RALGAPA2: variants seen among roughly 807,000 people sequenced by gnomAD.
RALGAPA2 encodes the protein Ral GTPase activating protein catalytic subunit alpha 2, also known as ral GTPase-activating protein subunit alpha-2.
In RALGAPA2, 139 loss-of-function variants were observed where a neutral mutation model predicts 230.4. That is an observed-to-expected ratio of 0.60 (90% CI 0.53 to 0.69). The LOEUF (loss-of-function observed/expected upper bound fraction) is 0.69. RALGAPA2 is among the 30% of genes least tolerant of loss of function. The probability of loss-of-function intolerance (pLI) is 0.00; values close to 1 mark genes in which losing one functional copy is unlikely to be tolerated. For synonymous variants in RALGAPA2, 847 were observed against 837.8 expected, an observed-to-expected ratio of 1.01 and a Z score of -0.19; for missense variants, 2,163 against 2,276.0, an observed-to-expected ratio of 0.95 and a Z score of 1.01.
At position 20,691,057 on chromosome 20, in the gene RALGAPA2, C is replaced by A. The variant is rs117141041; in HGVS notation, c.107-10256G>T. 3.3e-3 allele frequency among the ~76,000 whole-genome samples: 503 copies of A among 152,308 alleles called. 1 individual carries two copies. The highest frequency in any genetic ancestry group is 5.5e-3 in the Non-Finnish European group (374 of 68,030). On this transcript the variant is annotated intron_variant, in intron 1 of 39. Coordinates refer to ENST00000202677, the MANE Select transcript of RALGAPA2 (RefSeq NM_020343.4). ...CTCTACCCTACCTCTGCCGCCCACA[C>A]CCACAGCCAGATCCTAGACCTGATG...
intron 4 of RALGAPA2, among the ~76,000 whole-genome samples, chr20:20,646,971 A>G (rs530141996): frequency 6.6e-6 from 1 of 152,208 alleles, no homozygotes; most frequent in East Asian, 1.9e-4. Flanking sequence ...AACTCACAGC[A>G]TTAGTTTAAA....
In RALGAPA2 at chr20:20,611,399, C is replaced by T. The variant is rs1249342106; in HGVS notation, c.1716G>A (p.Arg572=). Residue 572 remains arginine (R), a synonymous_variant, in exon 14 of 40, where the codon AGG becomes AGA. Transcript: ENST00000202677. ...TWEQMLQILL[R]ITEAVMQKPK... The stretch of plus-strand genomic sequence containing the variant: ...GCTTCTGCATGACAGCTTCTGTTAT[C>T]CTGAGTAGTATTTGCAACATCTGTT... The T allele has an allele frequency of 2.5e-6, 4 of 1,613,146 alleles. No homozygotes were observed. Among genetic ancestry groups the T allele is most frequent in the South Asian group, 1.1e-5 (1 of 90,964 alleles).
chr20:20,598,103 A>C (rs2065517781), intron 16 of RALGAPA2, among the ~76,000 whole-genome samples: 1 of 152,220 alleles, frequency 6.6e-6, no homozygotes, highest in Admixed American at 6.5e-5. Flanking sequence ...ACACATGGCT[A>C]AATTCAATTT....
intron 3 of RALGAPA2, among the ~76,000 whole-genome samples, chr20:20,654,778 C>A (rs1603207383): frequency 6.6e-6 from 1 of 152,178 alleles, no homozygotes; most frequent in African/African-American, 2.4e-5. Context: ...ATTGCTGGGG[C>A]ATATGGTAAT....
chr20:20,638,255 G>A (rs1480135216), intron 7 of RALGAPA2, among the ~76,000 whole-genome samples: 1 of 152,158 alleles, frequency 6.6e-6, no homozygotes, highest in African/African-American at 2.4e-5. Flanking sequence ...AAGACCTGTT[G>A]GTGGTTCTTA....
At chr20:20,486,685 T>C (rs1449508729) in intron 36 of RALGAPA2, among the ~76,000 whole-genome samples, 1 of 152,224 alleles carries the variant, frequency 6.6e-6, no homozygotes, top group East Asian at 1.9e-4. Flanking sequence ...CTCCTTTCTC[T>C]TCCTTGTATT....
In RALGAPA2 at chr20:20,680,708, T is replaced by A. The variant is rs752086731; in HGVS notation, c.200A>T (p.Asn67Ile). 1 of 1,563,574 alleles carries A rather than the reference T, an allele frequency of 6.4e-7. No homozygotes were observed. Among genetic ancestry groups the A allele is most frequent in the Admixed American group, 2.1e-5 (1 of 46,754 alleles). Residue 67 changes from asparagine (N) to isoleucine (I), a missense_variant, in exon 2 of 40, where the codon AAT becomes ATT. Coordinates refer to ENST00000202677, the MANE Select transcript of RALGAPA2 (RefSeq NM_020343.4). ...ATGCTTACCTTTTAATTTCAAACTA[T>A]TTTCCAGTGCTATAAAATTTTCATA... ...IFYENFIALENSLKLKGNNKS... is the reference protein window; with the variant it reads ...IFYENFIALEISLKLKGNNKS...
At chr20:20,408,653 CTT>C (rs2059994873) in intron 38 of RALGAPA2, among the ~76,000 whole-genome samples, 1 of 152,200 alleles carries the variant, frequency 6.6e-6, no homozygotes. Flanking sequence ...CCAGTTAACC[CTT>C]TCAAGGCCTC....
chr20:20,411,059 C>A (rs1474613802), intron 38 of RALGAPA2, among the ~76,000 whole-genome samples: 1 of 151,860 alleles, frequency 6.6e-6, no homozygotes. Flanking sequence ...TTTTTTTTCA[C>A]TTTGTGTATA....
intron 1 of RALGAPA2, among the ~76,000 whole-genome samples, chr20:20,691,234 C>A (rs1179067350): frequency 6.6e-6 from 1 of 152,200 alleles, no homozygotes; most frequent in African/African-American, 2.4e-5. Flanking sequence ...AATAACCCCA[C>A]CACCTTGTCA....
intron 36 of RALGAPA2, 94 bp downstream of exon 36, chr20:20,495,023 C>A (rs2062163729): frequency 8.7e-7 from 1 of 1,149,158 alleles, no homozygotes; most frequent in African/African-American, 1.5e-5. Flanking sequence ...GGATGAGAGT[C>A]CCCTTTAACA....
intron 37 of RALGAPA2, among the ~76,000 whole-genome samples, chr20:20,458,733 C>T (rs1332582838): frequency 2.4e-4 from 8 of 33,648 alleles, no homozygotes; most frequent in African/African-American, 7.5e-4. Context: ...TATATACACA[C>T]ACCTATATAT....
At chr20:20,431,812 AATT>A (rs1318842665) in intron 37 of RALGAPA2, among the ~76,000 whole-genome samples, 6 of 152,292 alleles carry the variant, frequency 3.9e-5, no homozygotes, top group Non-Finnish European at 8.8e-5. Flanking sequence ...AAATATATGC[AATT>A]ATTATCTGAT....
intron 3 of RALGAPA2, among the ~76,000 whole-genome samples, chr20:20,665,297 C>T (rs1184133064): frequency 6.6e-6 from 1 of 152,180 alleles, no homozygotes; most frequent in African/African-American, 2.4e-5. Context: ...GTATTGCCTT[C>T]CACAGGATCT....
chr20:20,470,594 C>T (rs1286015849), intron 37 of RALGAPA2, among the ~76,000 whole-genome samples: 1 of 152,114 alleles, frequency 6.6e-6, no homozygotes, highest in Admixed American at 6.5e-5. Flanking sequence ...ACACCTAGAA[C>T]CGGGGCTGGC....
At position 20,619,452 on chromosome 20, in the gene RALGAPA2, G is replaced by A. The variant is rs376406308; in HGVS notation, c.1402-38C>T. 5 of 1,450,752 alleles carry A rather than the reference G, an allele frequency of 3.4e-6. No homozygotes were observed. In the African/African-American group the frequency reaches 5.7e-5, roughly 16 times the overall value. 89.9% of individuals were successfully genotyped at this position (1,450,752 alleles called of 1,614,324 possible). ...ATGATCCATTAACAGAGTGGAAGATGCACGTGTTTAACTTGCATTTAACTA... is the reference window on the plus strand; with the variant it reads ...ATGATCCATTAACAGAGTGGAAGATACACGTGTTTAACTTGCATTTAACTA... On this transcript the variant is annotated intron_variant, in intron 11 of 39. Transcript: ENST00000202677.
chr20:20,407,500 T>C (rs1384141779), intron 38 of RALGAPA2, among the ~76,000 whole-genome samples: 4 of 152,222 alleles, frequency 2.6e-5, no homozygotes, highest in Non-Finnish European at 5.9e-5. Flanking sequence ...CGCGGAGGCC[T>C]TAGCAAGCAA....
intron 23 of RALGAPA2, among the ~76,000 whole-genome samples, chr20:20,553,321 G>A (rs561567117): frequency 2.0e-5 from 3 of 152,270 alleles, no homozygotes; most frequent in Non-Finnish European, 4.4e-5. Flanking sequence ...GGAAGCCAAG[G>A]CGGGAGGATC....
At chr20:20,524,797 C>T (rs1452929365) in intron 29 of RALGAPA2, 33 bp downstream of exon 29, 1 of 1,504,124 alleles carries the variant, frequency 6.6e-7, no homozygotes, top group South Asian at 1.3e-5. Context: ...AATAAAAAAA[C>T]TATAGGAAAA....
Sources: allele counts gnomAD v4.1 joint callset (sites outside exome capture counted in the v4.1 genomes callset), GRCh38; gene constraint gnomAD v4.1.1; transcripts MANE v1.5; gene names NCBI Gene and HGNC (gene_info 2026-07-23, HGNC 2026-07-21).